Variants in CCDC178 observed in about 807,000 individuals in gnomAD.
CCDC178 encodes the protein coiled-coil domain-containing protein 178.
Under a neutral mutation model 117.4 loss-of-function variants are expected in CCDC178, and 126 were observed. The observed-to-expected ratio is 1.07, with a 90% CI of 0.93 to 1.24. The LOEUF (loss-of-function observed/expected upper bound fraction) is 1.24. CCDC178 is among the 50% of genes most tolerant of loss of function. The probability of loss-of-function intolerance (pLI) is 0.00; values close to 1 mark genes in which losing one functional copy is unlikely to be tolerated. For missense variants in CCDC178, 1,030 were observed against 986.9 expected (o/e 1.04, Z -0.59); for synonymous variants, 283 against 313.4 (o/e 0.90, Z 1.02).
chr18:32,941,101 A>G (rs369915376), intron 22 of CCDC178, among the ~76,000 whole-genome samples: 24 of 151,952 alleles, frequency 1.6e-4, no homozygotes, highest in East Asian at 9.7e-4. Context: ...TAATTCTGAA[A>G]GACGCTTACA....
intron 20 of CCDC178, among the ~76,000 whole-genome samples, chr18:33,120,206 G>A (rs1227796298): frequency 2.0e-5 from 3 of 150,766 alleles, no homozygotes; most frequent in Non-Finnish European, 4.4e-5. Context: ...AAAAAAAAAA[G>A]AAACTTCTAC....
At chr18:33,127,478 C>T (rs1238966152) in intron 20 of CCDC178, among the ~76,000 whole-genome samples, 1 of 152,156 alleles carries the variant, frequency 6.6e-6, no homozygotes, top group African/African-American at 2.4e-5. Flanking sequence ...CTCTGCCACC[C>T]AGGCTGGAGT....
chr18:33,160,383 CTGTG>C (rs921974633), intron 20 of CCDC178, among the ~76,000 whole-genome samples: 8 of 152,060 alleles, frequency 5.3e-5, no homozygotes, highest in Non-Finnish European at 1.2e-4. Context: ...GGTAAATAAT[CTGTG>C]TGATTCAATT....
At chr18:33,327,289 T>A (rs2145026344) in intron 10 of CCDC178, among the ~76,000 whole-genome samples, 1 of 152,342 alleles carries the variant, frequency 6.6e-6, no homozygotes, top group East Asian at 1.9e-4. Flanking sequence ...CTCATTTCTT[T>A]TTACGGCTTA....
At chr18:33,424,974 A>G (rs1056062742) in intron 2 of CCDC178, among the ~76,000 whole-genome samples, 1 of 152,184 alleles carries the variant, frequency 6.6e-6, no homozygotes, top group Middle Eastern at 3.2e-3. Context: ...GACCTAACAC[A>G]TAGTTTAAAA....
At chr18:33,271,623 AC>A (rs2144785995) in intron 12 of CCDC178, among the ~76,000 whole-genome samples, 1 of 151,704 alleles carries the variant, frequency 6.6e-6, no homozygotes, top group East Asian at 1.9e-4. Context: ...GATACATGAA[AC>A]AAAAACTGAC....
At chr18:33,248,238 G>C (rs549799597) in intron 14 of CCDC178, among the ~76,000 whole-genome samples, 2 of 151,530 alleles carry the variant, frequency 1.3e-5, no homozygotes, top group Non-Finnish European at 3.0e-5. Flanking sequence ...AACTGACGTA[G>C]CTTAAGAAAA....
chr18:33,296,236 A>G (rs1030971224), intron 11 of CCDC178, among the ~76,000 whole-genome samples: 1 of 152,154 alleles, frequency 6.6e-6, no homozygotes, highest in Non-Finnish European at 1.5e-5. Flanking sequence ...AAATGGCAAG[A>G]CTAGAGATAG....
rs28880078 is a variant in CCDC178 at position 33,029,124 on chromosome 18, T to C, written c.2389-54443A>G. On this transcript the variant is annotated intron_variant, in intron 21 of 22. Transcript: ENST00000383096. ...TTCCTCTTAAAACCTGTGGTAAAAT[T>C]CACCAGTGAATCCATCTGAGCCTGG... 1.9e-3 allele frequency among the ~76,000 whole-genome samples: 291 copies of C among 152,056 alleles called. 4 individuals carry two copies. The highest frequency in any genetic ancestry group is 6.7e-3 in the African/African-American group (279 of 41,554).
At chr18:33,308,833 A>G (rs2062295183) in intron 11 of CCDC178, among the ~76,000 whole-genome samples, 1 of 152,132 alleles carries the variant, frequency 6.6e-6, no homozygotes, top group Non-Finnish European at 1.5e-5. Flanking sequence ...CCATGTGAAG[A>G]AGGATGTGTT....
intron 2 of CCDC178, among the ~76,000 whole-genome samples, chr18:33,429,116 C>T (rs1368702609): frequency 6.6e-6 from 1 of 151,878 alleles, no homozygotes; most frequent in Non-Finnish European, 1.5e-5. Context: ...GCTATGACTT[C>T]ATAAATATAT....
chr18:33,438,513 C>T (rs544551993), intron 2 of CCDC178, among the ~76,000 whole-genome samples: 15 of 150,560 alleles, frequency 1.0e-4, no homozygotes, highest in African/African-American at 1.5e-4. Context: ...ATGCCATATA[C>T]GGCATACACA....
chr18:33,071,692 A>G (rs2057111933), intron 21 of CCDC178, among the ~76,000 whole-genome samples: 1 of 152,164 alleles, frequency 6.6e-6, no homozygotes, highest in South Asian at 2.1e-4. Flanking sequence ...TAGCCACATT[A>G]TATTTAGGTG....
At chr18:32,980,528 G>A (rs2055130693) in intron 21 of CCDC178, among the ~76,000 whole-genome samples, 1 of 134,786 alleles carries the variant, frequency 7.4e-6, no homozygotes, top group Non-Finnish European at 1.5e-5. Flanking sequence ...CGGAGATCGC[G>A]CCACAGCACT....
intron 15 of CCDC178, among the ~76,000 whole-genome samples, chr18:33,242,233 C>T (rs1198771772): frequency 6.6e-6 from 1 of 151,326 alleles, no homozygotes; most frequent in African/African-American, 2.4e-5. Flanking sequence ...TGAAACTAGA[C>T]CCTCTATACA....
At chr18:33,320,416 T>C (rs2144997288) in intron 11 of CCDC178, among the ~76,000 whole-genome samples, 1 of 152,288 alleles carries the variant, frequency 6.6e-6, no homozygotes, top group South Asian at 2.1e-4. Flanking sequence ...AAAATCAATG[T>C]ACAAAAATCA....
intron 12 of CCDC178, among the ~76,000 whole-genome samples, chr18:33,272,834 A>G (rs1373865488): frequency 6.6e-6 from 1 of 151,480 alleles, no homozygotes; most frequent in African/African-American, 2.4e-5. Flanking sequence ...AATCATTTGA[A>G]ATATTTCTAT....
intron 11 of CCDC178, among the ~76,000 whole-genome samples, chr18:33,297,347 T>C (rs1353322832): frequency 6.6e-6 from 1 of 151,578 alleles, no homozygotes; most frequent in African/African-American, 2.4e-5. Context: ...GCAGAAGTAA[T>C]AAAATTGAGA....
chr18:33,246,657 A>C (rs1280634318), intron 14 of CCDC178, among the ~76,000 whole-genome samples: 1 of 151,820 alleles, frequency 6.6e-6, no homozygotes, highest in Non-Finnish European at 1.5e-5. Context: ...AGAGGAGAAG[A>C]AGCATAAAAC....
Sources: gnomAD v4.1 joint callset for allele counts (sites outside exome capture counted in the v4.1 genomes callset) on GRCh38, gnomAD v4.1.1 for gene constraint, MANE v1.5 for transcripts, NCBI Gene and HGNC (gene_info 2026-07-23, HGNC 2026-07-21) for gene names.